CCDC102B: variants seen among roughly 807,000 people sequenced by gnomAD.
The protein encoded by CCDC102B is coiled-coil domain containing 102B, also known as coiled-coil domain-containing protein 102B.
Under a neutral mutation model 57.4 loss-of-function variants are expected in CCDC102B, and 75 were observed. That is an observed-to-expected ratio of 1.31 (90% CI 1.08 to 1.58). CCDC102B has a LOEUF of 1.58. CCDC102B is among the 40% of genes most tolerant of loss of function. The pLI is 0.00. For synonymous variants in CCDC102B, 206 were observed against 201.9 expected (o/e 1.02, Z -0.17); for missense variants, 636 against 582.6 (o/e 1.09, Z -0.94).
downstream of CCDC102B, chr18:69,055,228 C>G: frequency 1.2e-6 from 1 of 849,752 alleles, no homozygotes; most frequent in Non-Finnish European, 1.4e-6. Context: ...TGAGTCTTCA[C>G]TTTTTCCCTG....
intron 1 of CCDC102B, among the ~76,000 whole-genome samples, chr18:68,812,683 T>G (rs1049053789): frequency 6.6e-6 from 1 of 152,198 alleles, no homozygotes; most frequent in African/African-American, 2.4e-5. Flanking sequence ...ATGACCCTAG[T>G]TAGTATTAAG....
rs1300709679 is a variant in CCDC102B, at chr18:68,917,594, T to C, written c.1263+20166T>C. 7.9e-5 allele frequency among the ~76,000 whole-genome samples: 12 copies of C among 152,338 alleles called. No homozygotes were observed. In the East Asian group the frequency reaches 2.3e-3, roughly 29 times the overall value. On this transcript the variant is annotated intron_variant, in intron 6 of 7. Transcript: ENST00000360242. ...GATTAAAGTATCCTTCTATCTTGTA[T>C]TAATCGCTGTGTCCATCAATTCTGG...
intron 6 of CCDC102B, among the ~76,000 whole-genome samples, chr18:68,988,353 C>G (rs79620317): frequency 0.026 from 3,890 of 152,062 alleles, 110 homozygotes; most frequent in East Asian, 0.12. Context: ...TGAGCACACC[C>G]GGACACAAAG....
At chr18:68,820,198 G>A (rs2036639757) in intron 1 of CCDC102B, among the ~76,000 whole-genome samples, 2 of 151,988 alleles carry the variant, frequency 1.3e-5, no homozygotes, top group Admixed American at 6.6e-5. Flanking sequence ...TAGGTTTTCT[G>A]CAGAAAACTG....
chr18:69,048,953 T>C (rs972673379), intron 7 of CCDC102B, among the ~76,000 whole-genome samples: 42 of 152,118 alleles, frequency 2.8e-4, no homozygotes, highest in African/African-American at 9.7e-4. Context: ...AATTATATTT[T>C]TCATTGTAAA....
intron 5 of CCDC102B, 48 bp downstream of exon 5, chr18:68,874,833 T>G: frequency 8.7e-7 from 1 of 1,147,266 alleles, no homozygotes. Flanking sequence ...CATAACTGAC[T>G]GTTGTTAAAT....
intron 1 of CCDC102B, among the ~76,000 whole-genome samples, chr18:68,813,438 G>A (rs2036349531): frequency 1.3e-5 from 2 of 152,042 alleles, no homozygotes; most frequent in Non-Finnish European, 2.9e-5. Context: ...AAGGGTAGAG[G>A]AAGGGATGGG....
At chr18:68,745,673 A>G (rs2033591908) in intron 2 of CCDC102B, among the ~76,000 whole-genome samples, 1 of 152,148 alleles carries the variant, frequency 6.6e-6, no homozygotes, top group African/African-American at 2.4e-5. Context: ...GCCATCAAAC[A>G]CAAGAACTTA....
At chr18:68,943,684 C>A (rs1194645099) in intron 6 of CCDC102B, among the ~76,000 whole-genome samples, 1 of 152,064 alleles carries the variant, frequency 6.6e-6, no homozygotes, top group Non-Finnish European at 1.5e-5. Flanking sequence ...TATTGTTATA[C>A]CCAGATGAGT....
At chr18:69,046,855 C>G (rs1203479294) in intron 7 of CCDC102B, among the ~76,000 whole-genome samples, 1 of 152,058 alleles carries the variant, frequency 6.6e-6, no homozygotes, top group Non-Finnish European at 1.5e-5. Context: ...AATAGAGAGT[C>G]CTTTTCCCGT....
At chr18:68,890,334 C>G (rs2040029953) in intron 5 of CCDC102B, among the ~76,000 whole-genome samples, 1 of 152,042 alleles carries the variant, frequency 6.6e-6, no homozygotes, top group Non-Finnish European at 1.5e-5. Context: ...CTTCTGGGCT[C>G]AAGTGATCCT....
At chr18:68,972,339 T>G (rs1217448838) in intron 6 of CCDC102B, among the ~76,000 whole-genome samples, 1 of 152,182 alleles carries the variant, frequency 6.6e-6, no homozygotes, top group Non-Finnish European at 1.5e-5. Context: ...CATGACTCAG[T>G]GCTCTCAGCT....
At chr18:69,036,683 GC>G (rs2052301388) in intron 7 of CCDC102B, among the ~76,000 whole-genome samples, 1 of 151,982 alleles carries the variant, frequency 6.6e-6, no homozygotes, top group Non-Finnish European at 1.5e-5. Context: ...TACCCCTGCT[GC>G]ATGGGATTTG....
chr18:68,883,348 T>C (rs1330070336), intron 5 of CCDC102B, among the ~76,000 whole-genome samples: 1 of 150,524 alleles, frequency 6.6e-6, no homozygotes, highest in Non-Finnish European at 1.5e-5. Flanking sequence ...GAGGCAGAGG[T>C]TGCAGTGAGC....
At chr18:68,988,127 A>G (rs2050769642) in intron 6 of CCDC102B, among the ~76,000 whole-genome samples, 1 of 152,228 alleles carries the variant, frequency 6.6e-6, no homozygotes, top group South Asian at 2.1e-4. Flanking sequence ...CACAAGAGCA[A>G]AGATAGGGAA....
At chr18:68,832,679 G>A (rs922198858) in intron 1 of CCDC102B, among the ~76,000 whole-genome samples, 2 of 93,762 alleles carry the variant, frequency 2.1e-5, no homozygotes, top group Non-Finnish European at 4.2e-5. Flanking sequence ...TAGACAAAGG[G>A]CCACTAAGGG....
upstream of CCDC102B, among the ~76,000 whole-genome samples, chr18:68,797,142 A>G (rs1303829431): frequency 1.3e-5 from 2 of 152,262 alleles, no homozygotes; most frequent in East Asian, 3.9e-4. Flanking sequence ...AATTGGCTTT[A>G]TACAGGAAGA....
intron 3 of CCDC102B, among the ~76,000 whole-genome samples, chr18:68,842,868 A>G (rs531056887): frequency 4.6e-5 from 7 of 152,156 alleles, no homozygotes; most frequent in Non-Finnish European, 4.4e-5. Flanking sequence ...GCTAATTTGA[A>G]TACGTTTGCT....
At chr18:68,928,983 G>T (rs936246569) in intron 6 of CCDC102B, among the ~76,000 whole-genome samples, 1 of 151,864 alleles carries the variant, frequency 6.6e-6, no homozygotes, top group Non-Finnish European at 1.5e-5. Context: ...TTCTGAAGTG[G>T]TGATGAGAGG....
Sources: gnomAD v4.1 joint callset for allele counts (sites outside exome capture counted in the v4.1 genomes callset) on GRCh38, gnomAD v4.1.1 for gene constraint, MANE v1.5 for transcripts, NCBI Gene and HGNC (gene_info 2026-07-23, HGNC 2026-07-21) for gene names.